LINGO2: variants seen among roughly 807,000 people sequenced by gnomAD.
The protein encoded by LINGO2 is leucine rich repeat and Ig domain containing 2, also known as leucine-rich repeat and immunoglobulin-like domain-containing nogo receptor-interacting protein 2.
LINGO2 carries 14 observed loss-of-function variants against 30.6 expected under a neutral mutation model. That is an observed-to-expected ratio of 0.46 (90% CI 0.30 to 0.72). The LOEUF is 0.72. Among genes scored for constraint, LINGO2 ranks in the 30% least tolerant of loss-of-function variants. The pLI is 0.07. For missense variants in LINGO2, 729 were observed against 751.7 expected (o/e 0.97, Z 0.35); for synonymous variants, 317 against 288.5 (o/e 1.10, Z -1.00).
the LINGO2 span, among the ~76,000 whole-genome samples, chr9:28,977,831 C>T: frequency 6.6e-6 from 1 of 152,070 alleles, no homozygotes; most frequent in African/African-American, 2.4e-5. Context: ...AGCTGAACCT[C>T]ATGCTAGGTT....
chr9:29,196,242 C>G, the LINGO2 span, among the ~76,000 whole-genome samples: 1 of 151,964 alleles, frequency 6.6e-6, no homozygotes, highest in Non-Finnish European at 1.5e-5. Flanking sequence ...TTCCAATTTT[C>G]ACAAAAGACC....
intron 1 of LINGO2, among the ~76,000 whole-genome samples, chr9:28,591,595 C>G (rs1175002964): frequency 6.6e-6 from 1 of 151,934 alleles, no homozygotes; most frequent in Non-Finnish European, 1.5e-5. Flanking sequence ...TGCAACTCTT[C>G]TTGTGTGGGA....
the LINGO2 span, among the ~76,000 whole-genome samples, chr9:29,188,013 T>C: frequency 8.4e-6 from 1 of 119,088 alleles, no homozygotes; most frequent in African/African-American, 3.0e-5. Flanking sequence ...TTTGACAGAG[T>C]CTTTTTTTTT....
At position 28,148,713 on chromosome 9, in the gene LINGO2, A is replaced by C; in HGVS notation, c.-86-136308T>G. 6.5e-7 allele frequency: 1 copy of C among 1,533,694 alleles called. No homozygotes were observed. Among genetic ancestry groups the C allele is most frequent in the Non-Finnish European group, 8.7e-7 (1 of 1,146,122 alleles). ...AACGGCCATGGAGTCGCCAGTTCAC[A>C]CAGCCCTGCTGGAGGCATCCTTCCC... On this transcript the variant is annotated intron_variant, in intron 4 of 5. Transcript: ENST00000379992. This position sits in a 1 kb window ranked among gnomAD's most constrained non-coding sequence, Gnocchi z 5.1.
At chr9:28,920,430 T>C in the LINGO2 span, among the ~76,000 whole-genome samples, 4 of 152,152 alleles carry the variant, frequency 2.6e-5, no homozygotes, top group East Asian at 7.7e-4. Flanking sequence ...AAAAAGTCTG[T>C]GCCTTATGTC....
chr9:28,260,309 A>C (rs1822521925), intron 4 of LINGO2, among the ~76,000 whole-genome samples: 1 of 151,572 alleles, frequency 6.6e-6, no homozygotes, highest in Non-Finnish European at 1.5e-5. Context: ...TTCACTCTTG[A>C]AAACTTCTCT....
chr9:29,034,068 G>GTGA, the LINGO2 span, among the ~76,000 whole-genome samples: 1 of 150,262 alleles, frequency 6.7e-6, no homozygotes, highest in Non-Finnish European at 1.5e-5. Flanking sequence ...GGGTGACAGA[G>GTGA]TGAGATTCCA....
chr9:28,040,463 TCA>T (rs151321603), intron 4 of LINGO2, among the ~76,000 whole-genome samples: 1,811 of 136,086 alleles, frequency 0.013, 27 homozygotes, highest in African/African-American at 0.047. Context: ...ATTCACTACC[TCA>T]CAAGACAGAT....
At chr9:28,332,563 A>C (rs1402448024) in intron 3 of LINGO2, among the ~76,000 whole-genome samples, 1 of 151,528 alleles carries the variant, frequency 6.6e-6, no homozygotes, top group Non-Finnish European at 1.5e-5. Context: ...GCCTTGTTGA[A>C]ATGGGATAAA....
intron 3 of LINGO2, among the ~76,000 whole-genome samples, chr9:28,317,250 AGAG>A (rs199623064): frequency 0.13 from 19,398 of 152,062 alleles, 1,906 homozygotes; most frequent in African/African-American, 0.28. Context: ...TTGTGAGAAA[AGAG>A]AGATATAATT....
At chr9:28,270,235 T>C (rs754372821) in intron 4 of LINGO2, among the ~76,000 whole-genome samples, 1 of 152,072 alleles carries the variant, frequency 6.6e-6, no homozygotes, top group Non-Finnish European at 1.5e-5. Context: ...CCCTTTCCCC[T>C]TCAGTCAGCC....
At chr9:28,382,961 AC>A (rs1821413324) in intron 2 of LINGO2, among the ~76,000 whole-genome samples, 2 of 152,214 alleles carry the variant, frequency 1.3e-5, no homozygotes, top group East Asian at 3.9e-4. Context: ...ATTTCATATA[AC>A]AAATATATAA....
chr9:28,175,160 T>C (rs1158110548), intron 4 of LINGO2, among the ~76,000 whole-genome samples: 4 of 152,088 alleles, frequency 2.6e-5, no homozygotes, highest in African/African-American at 7.2e-5. Flanking sequence ...GAAAGCAAAG[T>C]TGTGGAAGAC....
At chr9:28,986,518 T>C in the LINGO2 span, among the ~76,000 whole-genome samples, 3 of 152,044 alleles carry the variant, frequency 2.0e-5, no homozygotes, top group Admixed American at 2.0e-4. Flanking sequence ...CAAACCATCT[T>C]TCCATTTATT....
chr9:28,058,719 C>G (rs1391944623), intron 4 of LINGO2, among the ~76,000 whole-genome samples: 1 of 152,012 alleles, frequency 6.6e-6, no homozygotes, highest in Non-Finnish European at 1.5e-5. Flanking sequence ...GAAAATAAAA[C>G]CATAAAATTC....
At chr9:29,100,290 G>C in the LINGO2 span, among the ~76,000 whole-genome samples, 11 of 152,256 alleles carry the variant, frequency 7.2e-5, no homozygotes, top group African/African-American at 2.4e-4. Flanking sequence ...TAACTGGGTA[G>C]GGGGATGGTT....
intron 3 of LINGO2, among the ~76,000 whole-genome samples, chr9:28,354,167 G>C (rs1008257812): frequency 1.3e-5 from 2 of 151,848 alleles, no homozygotes; most frequent in Admixed American, 6.6e-5. Context: ...AAAAAATGCT[G>C]TTCACGTCAT....
chr9:28,518,357 T>C (rs1226525231), intron 1 of LINGO2, among the ~76,000 whole-genome samples: 3 of 152,224 alleles, frequency 2.0e-5, no homozygotes, highest in Non-Finnish European at 2.9e-5. Context: ...AGGTTAGTAC[T>C]ATGTTCTAAA....
intron 5 of LINGO2, among the ~76,000 whole-genome samples, chr9:27,955,804 G>C (rs1238624730): frequency 3.9e-5 from 6 of 151,972 alleles, no homozygotes; most frequent in Admixed American, 3.9e-4. Context: ...CCTATATATA[G>C]GGTAGGAATA....
Sources: gnomAD v4.1 joint callset for allele counts (sites outside exome capture counted in the v4.1 genomes callset) on GRCh38, gnomAD v4.1.1 for gene constraint, Gnocchi (gnomAD v3.1) non-coding constraint, MANE v1.5 for transcripts, NCBI Gene and HGNC (gene_info 2026-07-23, HGNC 2026-07-21) for gene names.